The following MICAL3 variants were observed in gnomAD, a reference collection of about 807,000 sequenced individuals.
MICAL3 encodes [F-actin]-monooxygenase MICAL3.
MICAL3 carries 62 observed loss-of-function variants against 207.4 expected under a neutral mutation model. The ratio of observed to expected loss-of-function variants is 0.30; its 90% CI spans 0.24 to 0.37. The LOEUF is 0.37. Ranked by LOEUF, MICAL3 falls within the 10% of genes least tolerant of loss-of-function variation. The probability of loss-of-function intolerance (pLI) is 1.00; values close to 1 mark genes in which losing one functional copy is unlikely to be tolerated. For missense variants in MICAL3, 2,368 were observed against 2,635.6 expected (o/e 0.90, Z 2.22); for synonymous variants, 1,077 against 1,069.3 (o/e 1.01, Z -0.14).
chr22:17,810,001 G>A (rs1317712960), intron 28 of MICAL3, among the ~76,000 whole-genome samples: 2 of 150,432 alleles, frequency 1.3e-5, no homozygotes, highest in Non-Finnish European at 3.0e-5. Flanking sequence ...CGATTCTCGT[G>A]CCTCAGCCTC....
intron 16 of MICAL3, among the ~76,000 whole-genome samples, chr22:17,881,949 C>T (rs773132201): frequency 4.6e-5 from 7 of 152,152 alleles, no homozygotes; most frequent in African/African-American, 7.2e-5. Flanking sequence ...TTTACAAAGC[C>T]GCTGGTATTT....
At chr22:17,866,963 T>C (rs1333964018) in intron 17 of MICAL3, among the ~76,000 whole-genome samples, 3 of 152,226 alleles carry the variant, frequency 2.0e-5, no homozygotes, top group Non-Finnish European at 4.4e-5. Flanking sequence ...ACAGAAGTAA[T>C]CCCATTTCAT....
intron 19 of MICAL3, chr22:17,860,557 C>A (rs1926410772): frequency 2.0e-6 from 2 of 985,338 alleles, no homozygotes; most frequent in Admixed American, 6.1e-5. Flanking sequence ...TTGGGACAGC[C>A]TAGGAATGTT....
intron 5 of MICAL3, 109 bp downstream of exon 5, chr22:17,901,769 T>G: frequency 1.4e-6 from 1 of 721,328 alleles, no homozygotes; most frequent in Non-Finnish European, 2.3e-6. Flanking sequence ...AAGCACACAT[T>G]CAGGCTCTCA....
At position 17,883,600 on chromosome 22, in the gene MICAL3, G is replaced by A. The variant is rs551695641; in HGVS notation, c.2241+2278C>T. Among the ~76,000 whole-genome samples, 3 of 152,302 alleles carry A rather than the reference G, an allele frequency of 2.0e-5. No individual in the cohort carries two copies. In the South Asian group the frequency reaches 6.2e-4, roughly 32 times the overall value. ...GGGACTTGCTCAGCTGTGACACGGAGGAAACGCAGCTGGGGGTCCCAATTC... is the reference window on the plus strand; with the variant it reads ...GGGACTTGCTCAGCTGTGACACGGAAGAAACGCAGCTGGGGGTCCCAATTC... On this transcript the variant is annotated intron_variant, in intron 16 of 31. Coordinates refer to ENST00000441493, the MANE Select transcript of MICAL3 (RefSeq NM_015241.3).
intron 27 of MICAL3, among the ~76,000 whole-genome samples, chr22:17,811,862 A>G (rs2062051912): frequency 1.3e-5 from 2 of 152,160 alleles, no homozygotes; most frequent in Non-Finnish European, 2.9e-5. Flanking sequence ...CTCCCGCCTC[A>G]GCCTCCCGAG....
chr22:17,818,414 TG>T lies in MICAL3; in HGVS notation c.4246del (p.Gln1416ArgfsTer22). The T allele has an allele frequency of 1.2e-6, 2 of 1,612,120 alleles. No homozygotes were observed. The highest frequency in any genetic ancestry group is 2.2e-5 in the East Asian group (1 of 44,870). On this transcript the variant is annotated frameshift_variant, in exon 26 of 32. Transcript: ENST00000441493. LOFTEE classifies it high-confidence loss of function. Reference sequence around the variant, plus strand: ...GCTGGACAGCTCCCTGCGCTCCTCCTGGGCGCTGCGTAGCTCTCTGTCGGAC... The same window carrying T: ...GCTGGACAGCTCCCTGCGCTCCTCCTGGCGCTGCGTAGCTCTCTGTCGGAC... ...SPSDRELRSA[Q>X]EERRELSSSS... is the part of the protein sequence containing the mutation.
intron 1 of MICAL3, among the ~76,000 whole-genome samples, chr22:17,997,755 C>G (rs561763049): frequency 1.3e-5 from 2 of 152,262 alleles, no homozygotes; most frequent in Middle Eastern, 3.4e-3. Context: ...ATCCGTAAAA[C>G]TGGGGATGAT....
intron 1 of MICAL3, among the ~76,000 whole-genome samples, chr22:17,985,851 C>G (rs1205996401): frequency 6.6e-6 from 1 of 152,192 alleles, no homozygotes; most frequent in Non-Finnish European, 1.5e-5. Context: ...CCCTGCAGAA[C>G]TCATGACTCT....
intron 22 of MICAL3, chr22:17,826,530 A>G (rs1922205941): frequency 1.0e-6 from 1 of 985,466 alleles, no homozygotes; most frequent in Non-Finnish European, 1.2e-6. Flanking sequence ...AATTTAAAAC[A>G]GACGACAAAT....
intron 19 of MICAL3, chr22:17,861,316 G>T (rs1196233511): frequency 1.0e-6 from 1 of 985,246 alleles, no homozygotes; most frequent in Non-Finnish European, 1.2e-6. Flanking sequence ...TGGGGACAGG[G>T]GTCAGGCAAC....
intron 1 of MICAL3, among the ~76,000 whole-genome samples, chr22:17,949,398 C>T (rs1450315799): frequency 6.6e-6 from 1 of 152,084 alleles, no homozygotes; most frequent in Non-Finnish European, 1.5e-5. Context: ...TGTTACCTCA[C>T]TGTAGAAATC....
chr22:17,906,664 T>G lies in MICAL3; in HGVS notation c.149A>C (p.Tyr50Ser), dbSNP rs747818071. The G allele has an allele frequency of 1.9e-6, 3 of 1,613,980 alleles. No individual in the cohort carries two copies. Among genetic ancestry groups the G allele is most frequent in the East Asian group, 2.2e-5 (1 of 44,884 alleles). The change falls in exon 2 of 32, where the codon TAT becomes TCT. Residue 50 changes from tyrosine (Y) to serine (S), a missense_variant. Tyr to Ser is a moderately radical substitution (Grantham distance 144, BLOSUM62 -2). Coordinates refer to ENST00000441493, the MANE Select transcript of MICAL3 (RefSeq NM_015241.3). ...GTTAAGCTTGGACTTGAGCTTGTGA[T>G]AGAAGGAGCGGTAGTCCTTTGGCTT... ...ELKPKDYRSF[Y>S]HKLKSKLNYW...
chr22:17,872,850 T>C (rs1927862619), intron 16 of MICAL3: 1 of 1,589,850 alleles, frequency 6.3e-7, no homozygotes, highest in Admixed American at 1.7e-5. Flanking sequence ...CATCTTTATA[T>C]ACTTCTATCG....
intron 19 of MICAL3, 167 bp downstream of exon 19, chr22:17,864,732 T>C (rs778348948): frequency 2.5e-6 from 4 of 1,613,468 alleles, no homozygotes; most frequent in Non-Finnish European, 8.5e-7. Flanking sequence ...GAAAGGGGAC[T>C]CCGAACGCAA....
intron 1 of MICAL3, among the ~76,000 whole-genome samples, chr22:17,930,520 A>G (rs1433724984): frequency 6.6e-6 from 1 of 152,240 alleles, no homozygotes; most frequent in East Asian, 1.9e-4. Context: ...TGAAACTCAC[A>G]GATTAGTGCT....
intron 1 of MICAL3, among the ~76,000 whole-genome samples, chr22:17,934,522 G>A (rs1324991293): frequency 6.6e-6 from 1 of 152,104 alleles, no homozygotes; most frequent in African/African-American, 2.4e-5. Flanking sequence ...GCAAAAACTG[G>A]AAGCATTCCC....
At chr22:17,991,603 G>A (rs1921689052) in intron 1 of MICAL3, among the ~76,000 whole-genome samples, 1 of 152,158 alleles carries the variant, frequency 6.6e-6, no homozygotes, top group South Asian at 2.1e-4. Context: ...ATGTTAGCCA[G>A]TCAGCTATAT....
chr22:17,944,514 A>T (rs904264147), intron 1 of MICAL3, among the ~76,000 whole-genome samples: 3 of 152,208 alleles, frequency 2.0e-5, no homozygotes, highest in African/African-American at 7.2e-5. Context: ...GGAGGCAGGG[A>T]GAGCAGAGCC....
Sources: allele counts gnomAD v4.1 joint callset (sites outside exome capture counted in the v4.1 genomes callset), GRCh38; gene constraint gnomAD v4.1.1; transcripts MANE v1.5; gene names NCBI Gene and HGNC (gene_info 2026-07-23, HGNC 2026-07-21).